The following TCF12 variants were observed in gnomAD, a reference collection of about 807,000 sequenced individuals.
TCF12 encodes DNA-binding protein HTF4.
A neutral mutation model predicts 86.0 loss-of-function variants in TCF12; 45 were observed. That is an observed-to-expected ratio of 0.52 (90% confidence interval 0.41 to 0.67). The LOEUF (loss-of-function observed/expected upper bound fraction) is 0.67, where lower values mean the gene tolerates loss of function less well. Ranked by LOEUF, TCF12 falls within the 30% of genes least tolerant of loss-of-function variation. TCF12 has a pLI of 0.00. For missense variants in TCF12, 881 were observed against 859.9 expected (o/e 1.02, Z -0.31); for synonymous variants, 330 against 299.6 (o/e 1.10, Z -1.05).
At chr15:56,919,709 A>T (rs2059687622) in intron 1 of TCF12, 183 bp from the exon 2 acceptor site, 1 of 445,226 alleles carries the variant, frequency 2.2e-6, no homozygotes, top group Non-Finnish European at 4.0e-6. Flanking sequence ...GGATTCCGGG[A>T]CCCGGCGCGG....
chr15:57,222,169 G>T (rs552563928), intron 8 of TCF12, among the ~76,000 whole-genome samples: 3 of 150,892 alleles, frequency 2.0e-5, no homozygotes, highest in African/African-American at 7.3e-5. Context: ...TTATGAGAGA[G>T]TGACAAACCC....
Position 57,262,119 on chromosome 15 carries a change from T to C in TCF12, c.1493T>C (p.Val498Ala). Reference sequence around the variant, plus strand: ...GTTGGAACTCATCGGGAAGACTCTGTCAGTCTCAATGGCAATCATTCAGTC... The same window carrying C: ...GTTGGAACTCATCGGGAAGACTCTGCCAGTCTCAATGGCAATCATTCAGTC... Reference protein sequence around the residue: ...SMVGTHREDSVSLNGNHSVLS... With the variant: ...SMVGTHREDSASLNGNHSVLS... The change falls in exon 17 of 21, where the codon GTC becomes GCC. Residue 498 changes from valine to alanine, a missense_variant. By Grantham distance (64) the Val-to-Ala change is moderately conservative. Around this residue, in one of 3 missense-constraint regions of TCF12, gnomAD observed 766 missense variants for 718.9 expected, o/e 1.07. Transcript: ENST00000333725. The C allele has an allele frequency of 6.2e-7, 1 of 1,613,368 alleles. No homozygotes were observed. The highest frequency in any genetic ancestry group is 8.5e-7 in the Non-Finnish European group (1 of 1,179,534).
At chr15:57,281,679 G>C (rs1328499113) in intron 19 of TCF12, 1 of 152,214 alleles carries the variant, frequency 6.6e-6, no homozygotes, top group Non-Finnish European at 1.5e-5. Context: ...CTGGGATCTA[G>C]GTTGCTTGCT....
chr15:57,179,055 AAAAG>A (rs746844155), intron 6 of TCF12, among the ~76,000 whole-genome samples: 16 of 152,218 alleles, frequency 1.1e-4, no homozygotes, highest in Non-Finnish European at 1.9e-4. Context: ...AAATTAGTGA[AAAAG>A]AAAAATTAAG....
At chr15:57,282,837 T>C (rs1472278468) in intron 20 of TCF12, among the ~76,000 whole-genome samples, 1 of 152,254 alleles carries the variant, frequency 6.6e-6, no homozygotes, top group East Asian at 1.9e-4. Flanking sequence ...TTGGTTCTTC[T>C]GTTCGGAGTC....
chr15:57,059,284 C>G (rs1271334316), intron 3 of TCF12, among the ~76,000 whole-genome samples: 1 of 152,212 alleles, frequency 6.6e-6, no homozygotes, highest in Non-Finnish European at 1.5e-5. Context: ...TTGCTCCCAA[C>G]TGTATGTGTG....
At chr15:57,254,903 G>A (rs999481759) in intron 16 of TCF12, among the ~76,000 whole-genome samples, 1 of 150,812 alleles carries the variant, frequency 6.6e-6, no homozygotes, top group East Asian at 1.9e-4. Context: ...ATATGAGAGG[G>A]TATTGTTATC....
chr15:57,190,541 G>A (rs1463741079), intron 6 of TCF12, among the ~76,000 whole-genome samples: 1 of 152,138 alleles, frequency 6.6e-6, no homozygotes, highest in Non-Finnish European at 1.5e-5. Flanking sequence ...ATCTTCTCAA[G>A]TGTATTCAAC....
chr15:56,940,199 C>G (rs1567135480), intron 3 of TCF12, among the ~76,000 whole-genome samples: 1 of 151,478 alleles, frequency 6.6e-6, no homozygotes, highest in Non-Finnish European at 1.5e-5. Flanking sequence ...GTTATATAAT[C>G]TAGTATTATA....
intron 8 of TCF12, among the ~76,000 whole-genome samples, chr15:57,207,153 G>C (rs548622862): frequency 1.6e-4 from 24 of 152,004 alleles, no homozygotes; most frequent in Non-Finnish European, 3.1e-4. Flanking sequence ...ATAGTTGCTG[G>C]CAGCTTGGGA....
chr15:57,159,723 A>G (rs1187850707), intron 5 of TCF12, among the ~76,000 whole-genome samples: 1 of 86,814 alleles, frequency 1.2e-5, no homozygotes, highest in Non-Finnish European at 2.5e-5. Flanking sequence ...TAATACTTAA[A>G]TTATAACACA....
At chr15:57,113,768 C>T (rs1416687875) in intron 5 of TCF12, among the ~76,000 whole-genome samples, 10 of 125,998 alleles carry the variant, frequency 7.9e-5, no homozygotes, top group East Asian at 6.8e-4. Context: ...AACAAGAGCT[C>T]GTCTCTACTT....
chr15:57,229,831 G>A (rs2059050210), intron 8 of TCF12, among the ~76,000 whole-genome samples: 6 of 151,888 alleles, frequency 4.0e-5, no homozygotes, highest in Admixed American at 3.9e-4. Context: ...TTACAAAAGA[G>A]GGAATTGAAT....
chr15:56,989,612 G>A (rs183929588), intron 3 of TCF12, among the ~76,000 whole-genome samples: 10 of 152,294 alleles, frequency 6.6e-5, no homozygotes, highest in African/African-American at 2.2e-4. Context: ...CTGAGACAGC[G>A]TGTGTTAAAA....
At chr15:57,103,116 T>C (rs1167173650) in intron 5 of TCF12, among the ~76,000 whole-genome samples, 1 of 152,128 alleles carries the variant, frequency 6.6e-6, no homozygotes, top group African/African-American at 2.4e-5. Flanking sequence ...AATTGCACAG[T>C]AATAAAAAAA....
At position 56,979,090 on chromosome 15, in the gene TCF12, G is replaced by C. The variant is rs114885119; in HGVS notation, c.148+57992G>C. ...GCAGTGTTTGGATGGCCGACATTTT[G>C]CTTAGGTCACTCATTTTTGTTTTCT... On this transcript the variant is annotated intron_variant, in intron 3 of 20. Coordinates refer to ENST00000333725, the MANE Select transcript of TCF12 (RefSeq NM_207037.2). Among the ~76,000 whole-genome samples the C allele has an allele frequency of 3.5e-3, 534 of 152,174 alleles. 4 individuals carry two copies. The highest frequency in any genetic ancestry group is 0.012 in the African/African-American group (508 of 41,538).
rs188700615 is a variant in TCF12, at chr15:57,117,831, T to C, written c.325+25940T>C. On this transcript the variant is annotated intron_variant, in intron 5 of 20. Coordinates refer to ENST00000333725, the MANE Select transcript of TCF12 (RefSeq NM_207037.2). ...ACTTGTATAATTTCCATAGTGGTTT[T>C]ATAGACTATAAACATGGAACGCTTG... Among the ~76,000 whole-genome samples, 35 of 152,368 alleles carry C rather than the reference T, an allele frequency of 2.3e-4. No homozygotes were observed. The East Asian group carries it at 4.6e-3, about 20-fold the overall frequency.
chr15:56,990,109 C>T (rs1192744407), intron 3 of TCF12, among the ~76,000 whole-genome samples: 21 of 145,374 alleles, frequency 1.4e-4, no homozygotes, highest in Admixed American at 8.3e-4. Context: ...TCGGTAGTTT[C>T]GGTATTACAG....
chr15:57,216,390 CAT>C (rs1431636797), intron 8 of TCF12, among the ~76,000 whole-genome samples: 1 of 151,896 alleles, frequency 6.6e-6, no homozygotes, highest in East Asian at 1.9e-4. Context: ...TAGAGTAACA[CAT>C]AAGTGATTAT....
Sources: allele counts gnomAD v4.1 joint callset (sites outside exome capture counted in the v4.1 genomes callset), GRCh38; gene constraint gnomAD v4.1.1; regional missense constraint gnomAD v4.1.1; transcripts MANE v1.5; gene names NCBI Gene and HGNC (gene_info 2026-07-23, HGNC 2026-07-21).